Variants in TMEM74 observed in about 807,000 individuals in gnomAD.
The protein encoded by TMEM74 is transmembrane protein 74.
TMEM74 carries 13 observed loss-of-function variants against 18.1 expected under a neutral mutation model. That is an observed-to-expected ratio of 0.72 (90% confidence interval 0.47 to 1.14). The LOEUF is 1.14. Ranked by LOEUF, TMEM74 falls within the 50% of genes most tolerant of loss-of-function variation. The pLI is 0.00. For synonymous variants in TMEM74, 159 were observed against 146.6 expected (o/e 1.08, Z -0.61); for missense variants, 372 against 375.9 (o/e 0.99, Z 0.09).
intron 2 of TMEM74, among the ~76,000 whole-genome samples, chr8:108,636,616 T>C (rs186170969): frequency 2.5e-4 from 38 of 152,084 alleles, no homozygotes; most frequent in Non-Finnish European, 4.6e-4. Context: ...CTACCTGAGG[T>C]TCAGTATGTT....
chr8:108,784,393 G>T lies in TMEM74; in HGVS notation c.706C>A (p.Leu236Ile), dbSNP rs1376521067. Residue 236 changes from leucine (L) to isoleucine (I), a missense_variant, in exon 2 of 2, where the codon CTC becomes ATC. Coordinates refer to ENST00000297459, the MANE Select transcript of TMEM74 (RefSeq NM_153015.3). ...ACGCCCCCCAGCGTGAGGAGGCAGA[G>T]CCCCGCAATCACACAGCGGTCCAGG... Reference protein sequence around the residue: ...AHLDRCVIAGLCLLTLGGVIL... With the variant: ...AHLDRCVIAGICLLTLGGVIL... 1.2e-6 allele frequency: 2 copies of T among 1,614,092 alleles called. No homozygotes were observed. Among genetic ancestry groups the T allele is most frequent in the Non-Finnish European group, 1.7e-6 (2 of 1,180,034 alleles).
In TMEM74 at chr8:108,725,021, C is replaced by T. The variant is rs549365499; in HGVS notation, n.119+62455G>A. Among the ~76,000 whole-genome samples the T allele has an allele frequency of 4.6e-5, 7 of 152,286 alleles. No individual in the cohort carries two copies. In the East Asian group the frequency reaches 9.7e-4, roughly 21 times the overall value. On this transcript the variant is annotated intron_variant and non_coding_transcript_variant, in intron 1 of 3. Transcript: ENST00000518838. Reference sequence around the variant, plus strand: ...CCTGGGCATTTCTCACTGTGTTCTGCTTCATTCACAAGCTACAGCCAAACT... The same window carrying T: ...CCTGGGCATTTCTCACTGTGTTCTGTTTCATTCACAAGCTACAGCCAAACT...
intron 2 of TMEM74, among the ~76,000 whole-genome samples, chr8:108,624,205 G>A (rs993288656): frequency 6.6e-6 from 1 of 152,030 alleles, no homozygotes; most frequent in African/African-American, 2.4e-5. Context: ...GTCTGTGTAT[G>A]TAAGGGAACA....
At chr8:108,672,703 A>G (rs900741102) in intron 1 of TMEM74, among the ~76,000 whole-genome samples, 2 of 152,230 alleles carry the variant, frequency 1.3e-5, no homozygotes, top group Admixed American at 6.5e-5. Context: ...ATACAAAGCC[A>G]TGGAATTTAA....
intron 2 of TMEM74, chr8:108,653,312 TG>T (rs1429998670): frequency 4.5e-5 from 7 of 154,740 alleles, no homozygotes; most frequent in African/African-American, 1.7e-4. Context: ...CAGAGCACAG[TG>T]GGATGATGGG....
intron 1 of TMEM74, among the ~76,000 whole-genome samples, chr8:108,679,016 C>T (rs185533164): frequency 2.0e-5 from 3 of 150,658 alleles, no homozygotes; most frequent in East Asian, 2.0e-4. Flanking sequence ...TTTGTCCTTG[C>T]GATAGTTTGC....
intron 1 of TMEM74, among the ~76,000 whole-genome samples, chr8:108,721,589 C>T (rs910483195): frequency 1.4e-4 from 21 of 152,252 alleles, no homozygotes; most frequent in African/African-American, 5.1e-4. Context: ...ACTAACCATC[C>T]TCACTCCAGT....
At chr8:108,709,100 G>A (rs1184380976) in intron 1 of TMEM74, among the ~76,000 whole-genome samples, 1 of 152,092 alleles carries the variant, frequency 6.6e-6, no homozygotes, top group Non-Finnish European at 1.5e-5. Flanking sequence ...TTTTGCAGCA[G>A]CTATGAAAAA....
chr8:108,743,316 T>A (rs999973941), intron 1 of TMEM74, among the ~76,000 whole-genome samples: 10 of 152,190 alleles, frequency 6.6e-5, no homozygotes, highest in Non-Finnish European at 1.3e-4. Context: ...ACTGAATTTA[T>A]TTAGCTCAAC....
At chr8:108,672,340 A>C (rs1221481672) in intron 1 of TMEM74, among the ~76,000 whole-genome samples, 1 of 152,234 alleles carries the variant, frequency 6.6e-6, no homozygotes, top group Non-Finnish European at 1.5e-5. Flanking sequence ...TATTCAGATG[A>C]AGCTGCACAA....
At chr8:108,674,891 C>T (rs1046447340) in intron 1 of TMEM74, among the ~76,000 whole-genome samples, 1 of 152,144 alleles carries the variant, frequency 6.6e-6, no homozygotes, top group African/African-American at 2.4e-5. Flanking sequence ...GTGCCTGACC[C>T]ATGTCACTCA....
At chr8:108,666,655 G>A (rs1812952131) in intron 1 of TMEM74, among the ~76,000 whole-genome samples, 1 of 152,028 alleles carries the variant, frequency 6.6e-6, no homozygotes, top group African/African-American at 2.4e-5. Context: ...TTGAGAGATG[G>A]GAGATTAGAC....
At chr8:108,744,328 G>A (rs183731605) in intron 1 of TMEM74, among the ~76,000 whole-genome samples, 1 of 152,244 alleles carries the variant, frequency 6.6e-6, no homozygotes, top group East Asian at 1.9e-4. Flanking sequence ...ACCAAAATGA[G>A]TAACTGAGAA....
chr8:108,701,984 C>A (rs3019332), intron 1 of TMEM74, among the ~76,000 whole-genome samples: 30,814 of 151,898 alleles, frequency 0.2, 3,240 homozygotes, highest in East Asian at 0.29. Flanking sequence ...GCAGTTAACA[C>A]TACCCAACAT....
At chr8:108,700,146 T>TGTGTGC (rs953204873) in intron 1 of TMEM74, among the ~76,000 whole-genome samples, 2 of 151,546 alleles carry the variant, frequency 1.3e-5, no homozygotes, top group African/African-American at 2.4e-5. Flanking sequence ...TGTGTGTGTG[T>TGTGTGC]GTGTGTGTGT....
At chr8:108,699,119 C>G (rs1161671985) in intron 1 of TMEM74, among the ~76,000 whole-genome samples, 1 of 136,252 alleles carries the variant, frequency 7.3e-6, no homozygotes, top group Non-Finnish European at 1.6e-5. Flanking sequence ...CCCCTCCCCT[C>G]TTGTACCCTT....
chr8:108,622,095 C>G (rs1045438377), intron 2 of TMEM74, among the ~76,000 whole-genome samples: 16 of 152,122 alleles, frequency 1.1e-4, no homozygotes, highest in African/African-American at 3.4e-4. Context: ...ATTTTGAATT[C>G]AAATTTTAAG....
At chr8:108,667,661 A>G (rs1358602672) in intron 1 of TMEM74, among the ~76,000 whole-genome samples, 1 of 152,126 alleles carries the variant, frequency 6.6e-6, no homozygotes, top group Admixed American at 6.6e-5. Context: ...TAAAATTCAG[A>G]TCCCTTAGAT....
intron 2 of TMEM74, among the ~76,000 whole-genome samples, chr8:108,619,573 G>T (rs1812419500): frequency 6.6e-6 from 1 of 152,202 alleles, no homozygotes; most frequent in Non-Finnish European, 1.5e-5. Context: ...CTGTATGTGG[G>T]TGAGCAGTGG....
Sources: allele counts gnomAD v4.1 joint callset (sites outside exome capture counted in the v4.1 genomes callset), GRCh38; gene constraint gnomAD v4.1.1; transcripts MANE v1.5; gene names NCBI Gene and HGNC (gene_info 2026-07-23, HGNC 2026-07-21).